Variants in FTO observed in about 807,000 individuals in gnomAD.
The protein encoded by FTO is FTO alpha-ketoglutarate dependent dioxygenase.
Under a neutral mutation model 63.9 loss-of-function variants are expected in FTO, and 47 were observed. The observed-to-expected ratio is 0.74, with a 90% CI of 0.58 to 0.94. The LOEUF (loss-of-function observed/expected upper bound fraction) is 0.94. FTO is among the 40% of genes least tolerant of loss of function. The probability of loss-of-function intolerance (pLI) is 0.00; values close to 1 mark genes in which losing one functional copy is unlikely to be tolerated. For missense variants in FTO, 562 were observed against 618.1 expected (o/e 0.91, Z 0.96); for synonymous variants, 207 against 224.4 (o/e 0.92, Z 0.69).
In FTO at chr16:54,102,262, G is replaced by T. The variant is rs1599370365; in HGVS notation, c.1365-9500G>T. Among the ~76,000 whole-genome samples, 3 of 152,274 alleles carry T rather than the reference G, an allele frequency of 2.0e-5. No homozygotes were observed. In the East Asian group the frequency reaches 5.8e-4, roughly 29 times the overall value. On this transcript the variant is annotated intron_variant, in intron 8 of 8. Transcript: ENST00000471389. ...GAATGGACAGAAATTTCATGAAAAA[G>T]ACACCAAAAGCAATCATAACAAGAG...
intron 1 of FTO, among the ~76,000 whole-genome samples, chr16:53,759,385 G>C: frequency 6.6e-6 from 1 of 152,048 alleles, no homozygotes; most frequent in East Asian, 1.9e-4. Flanking sequence ...ATATCAGAAG[G>C]AAAGAGATTA....
At chr16:53,967,250 A>G (rs546840797) in intron 8 of FTO, among the ~76,000 whole-genome samples, 50 of 151,796 alleles carry the variant, frequency 3.3e-4, no homozygotes, top group Middle Eastern at 3.4e-3. Context: ...CCACGTTGTG[A>G]AAGTTTCTTT....
chr16:53,929,732 G>T (rs1237700230), intron 7 of FTO, among the ~76,000 whole-genome samples: 1 of 152,194 alleles, frequency 6.6e-6, no homozygotes, highest in Non-Finnish European at 1.5e-5. Flanking sequence ...GTGTTTCGCA[G>T]TGCCTTGGGG....
At chr16:53,872,337 C>T (rs1408615773) in intron 4 of FTO, among the ~76,000 whole-genome samples, 4 of 152,190 alleles carry the variant, frequency 2.6e-5, no homozygotes, top group African/African-American at 9.7e-5. Context: ...AGTCTGTTTG[C>T]TGTCTCTCTG....
At chr16:53,993,350 A>G (rs559746393) in intron 8 of FTO, 1 of 152,342 alleles carries the variant, frequency 6.6e-6, no homozygotes, top group Non-Finnish European at 1.5e-5. Flanking sequence ...TAGCCTCTGT[A>G]GCTGTTTTAA....
At chr16:53,802,799 ATTCTT>A (rs2078260894) in intron 1 of FTO, among the ~76,000 whole-genome samples, 1 of 152,044 alleles carries the variant, frequency 6.6e-6, no homozygotes, top group African/African-American at 2.4e-5. Flanking sequence ...CAGGTTCATT[ATTCTT>A]TTCTTCTATT....
At chr16:53,833,463 G>A (rs1229600608) in intron 3 of FTO, among the ~76,000 whole-genome samples, 6 of 152,262 alleles carry the variant, frequency 3.9e-5, no homozygotes, top group Non-Finnish European at 2.9e-5. Flanking sequence ...ATTCATAATA[G>A]CCATCTTTTG....
At chr16:54,024,212 G>A (rs2084661550) in intron 8 of FTO, among the ~76,000 whole-genome samples, 1 of 151,992 alleles carries the variant, frequency 6.6e-6, no homozygotes, top group Non-Finnish European at 1.5e-5. Context: ...AAATGTCTAG[G>A]CTGTTTTTCT....
intron 8 of FTO, among the ~76,000 whole-genome samples, chr16:54,032,630 G>A (rs2084857664): frequency 6.6e-6 from 1 of 152,010 alleles, no homozygotes; most frequent in Non-Finnish European, 1.5e-5. Flanking sequence ...TAATTGCCTT[G>A]ACTATCTTCT....
intron 1 of FTO, among the ~76,000 whole-genome samples, chr16:53,706,639 T>TAA (rs2075629830): frequency 6.6e-6 from 1 of 152,212 alleles, no homozygotes; most frequent in Non-Finnish European, 1.5e-5. Context: ...GCTGAAGCCG[T>TAA]CCTCCTGCCT....
rs961229972 is a variant in FTO at position 53,988,926 on chromosome 16, G to A, written c.1364+54817G>A. 9.2e-5 allele frequency among the ~76,000 whole-genome samples: 14 copies of A among 151,894 alleles called. No homozygotes were observed. The South Asian group carries it at 1.7e-3, about 18-fold the overall frequency. ...AAGAATCTTAAAATATGCTTCTGCC[G>A]CCTCCCTCTTTTATCCCAATTCAGA... On this transcript the variant is annotated intron_variant, in intron 8 of 8. Coordinates refer to ENST00000471389, the MANE Select transcript of FTO (RefSeq NM_001080432.3).
At chr16:53,870,066 A>G (rs2080451935) in intron 4 of FTO, among the ~76,000 whole-genome samples, 1 of 151,820 alleles carries the variant, frequency 6.6e-6, no homozygotes, top group African/African-American at 2.4e-5. Context: ...TGAATTGTGA[A>G]CCTCACAAGT....
At chr16:54,004,792 C>T (rs1354139031) in intron 8 of FTO, among the ~76,000 whole-genome samples, 20 of 151,964 alleles carry the variant, frequency 1.3e-4, no homozygotes, top group Admixed American at 8.5e-4. Flanking sequence ...TTGGAGTGGC[C>T]GGGCACAGTG....
At chr16:53,763,181 A>C (rs963830206) in intron 1 of FTO, among the ~76,000 whole-genome samples, 1 of 152,198 alleles carries the variant, frequency 6.6e-6, no homozygotes, top group Non-Finnish European at 1.5e-5. Flanking sequence ...ATCTTACAGC[A>C]TAGAAAGGGG....
chr16:53,742,102 T>C (rs560256245), intron 1 of FTO, among the ~76,000 whole-genome samples: 1 of 152,246 alleles, frequency 6.6e-6, no homozygotes, highest in South Asian at 2.1e-4. Context: ...TTCCATAACT[T>C]CTGCGGTATT....
intron 8 of FTO, among the ~76,000 whole-genome samples, chr16:54,101,333 C>T (rs1407396156): frequency 6.6e-6 from 1 of 152,140 alleles, no homozygotes; most frequent in Non-Finnish European, 1.5e-5. Context: ...TCTTTGTGTT[C>T]ATAGGTTCTT....
intron 8 of FTO, among the ~76,000 whole-genome samples, chr16:54,067,150 GT>G (rs2085751604): frequency 7.5e-6 from 1 of 133,524 alleles, no homozygotes; most frequent in South Asian, 2.4e-4. Flanking sequence ...TTTTTTTTTT[GT>G]TTTCTTTTTT....
intron 8 of FTO, among the ~76,000 whole-genome samples, chr16:54,101,738 A>G (rs1180241116): frequency 6.6e-6 from 1 of 152,220 alleles, no homozygotes; most frequent in African/African-American, 2.4e-5. Context: ...GGGAATTGCT[A>G]TACTGCTTTC....
chr16:53,863,514 G>C (rs1366294560), intron 4 of FTO, among the ~76,000 whole-genome samples: 1 of 152,186 alleles, frequency 6.6e-6, no homozygotes, highest in Admixed American at 6.5e-5. Context: ...TGCAGTATGA[G>C]CAAACCATGG....
Sources: gnomAD v4.1 joint callset for allele counts (sites outside exome capture counted in the v4.1 genomes callset) on GRCh38, gnomAD v4.1.1 for gene constraint, MANE v1.5 for transcripts, NCBI Gene and HGNC (gene_info 2026-07-23, HGNC 2026-07-21) for gene names.